Variants in ANXA2 observed in about 807,000 individuals in gnomAD.
ANXA2 encodes the protein annexin A2, also known as annexin II.
In ANXA2, 28 loss-of-function variants were observed where a neutral mutation model predicts 47.3. The observed-to-expected ratio is 0.59, with a 90% CI of 0.44 to 0.81. The LOEUF is 0.81. Ranked by LOEUF, ANXA2 falls within the 40% of genes least tolerant of loss-of-function variation. The probability of loss-of-function intolerance (pLI) is 0.00; values close to 1 mark genes in which losing one functional copy is unlikely to be tolerated. For synonymous variants in ANXA2, 172 were observed against 155.5 expected (o/e 1.11, Z -0.79); for missense variants, 384 against 414.3 (o/e 0.93, Z 0.64).
At chr15:60,381,792 A>T (rs1303389801) in intron 3 of ANXA2, among the ~76,000 whole-genome samples, 1 of 152,114 alleles carries the variant, frequency 6.6e-6, no homozygotes, top group Non-Finnish European at 1.5e-5. Context: ...AATGTAATTA[A>T]ATTAAAGGGG....
rs182125207 is a variant in ANXA2 at position 60,348,985 on chromosome 15, C to T, written c.960+90G>A. The T allele has an allele frequency of 7.9e-5, 117 of 1,487,606 alleles. No individual in the cohort carries two copies. The East Asian group carries it at 1.1e-3, about 13-fold the overall frequency. The allele number at this position is 1,487,606 out of a possible 1,614,324, so 92.2% of individuals were successfully genotyped here. On this transcript the variant is annotated intron_variant, in intron 12 of 12. Coordinates refer to ENST00000451270, the MANE Select transcript of ANXA2 (RefSeq NM_004039.3). Reference sequence around the variant, plus strand: ...CCCAGAGAGTCAGAAAACAGAAAATCGCCACTCTGTCATCATTCTGCCAGG... The same window carrying T: ...CCCAGAGAGTCAGAAAACAGAAAATTGCCACTCTGTCATCATTCTGCCAGG...
Position 60,349,867 on chromosome 15 carries a change from C to CAGGGGAAGGCAGGGAGGG in ANXA2, c.838-671_838-670insCCCTCCCTGCCTTCCCCT, listed in dbSNP as rs1895917327. 3.1e-5 allele frequency among the ~76,000 whole-genome samples: 2 copies of CAGGGGAAGGCAGGGAGGG among 64,938 alleles called. 1 individual carries two copies. Among genetic ancestry groups the CAGGGGAAGGCAGGGAGGG allele is most frequent in the South Asian group, 1.2e-3 (2 of 1,710 alleles). 42.6% of individuals were successfully genotyped at this position (64,938 alleles called of 152,430 possible). On this transcript the variant is annotated intron_variant, in intron 11 of 12. Transcript: ENST00000451270. ...AGGGAGGGAGGTGAAGGCAGGGAGG[C>CAGGGGAAGGCAGGGAGGG]AGGGGAAGGCAAGGAGGCAGGAGAA...
intron 3 of ANXA2, among the ~76,000 whole-genome samples, chr15:60,372,597 T>C (rs1028137535): frequency 3.3e-5 from 5 of 152,182 alleles, no homozygotes; most frequent in Admixed American, 1.3e-4. Context: ...TGTTAACTTG[T>C]AGATTTTGGT....
At chr15:60,382,070 G>A (rs12914642) in intron 3 of ANXA2, among the ~76,000 whole-genome samples, 10 of 129,708 alleles carry the variant, frequency 7.7e-5, no homozygotes, top group East Asian at 5.0e-4. Context: ...GGGAGGGAGG[G>A]AGGAAGGAAG....
Position 60,357,156 on chromosome 15 carries a change from G to A in ANXA2, c.438C>T (p.Val146=). 1 of 1,613,884 alleles carries A rather than the reference G, an allele frequency of 6.2e-7. No homozygotes were observed. Among genetic ancestry groups the A allele is most frequent in the Middle Eastern group, 1.7e-4 (1 of 5,982 alleles). Residue 146 remains valine (V), a synonymous_variant, in exon 6 of 13, where the codon GTC becomes GTT. Transcript: ENST00000451270. The stretch of plus-strand genomic sequence containing the variant: ...AATCAAGCTACTCACTTTCCTTGTA[G>A]ACTCTGTTAATTTCCTGCAGCTCCT... ...TNQELQEINR[V]YKEMYKTDLE... is the part of the protein sequence containing the mutation.
In ANXA2 at chr15:60,361,027, A is replaced by G. The variant is rs377255137; in HGVS notation, c.271T>C (p.Leu91=). ...ATCACCGTCTCCAGGTGGCCAGATAAGGCTGACTTCAGTGCTGATGCAAGT... is the reference window on the plus strand; with the variant it reads ...ATCACCGTCTCCAGGTGGCCAGATAGGGCTGACTTCAGTGCTGATGCAAGT... ...KELASALKSA[L]SGHLETVILG... The change falls in exon 5 of 13, where the codon TTA becomes CTA. Residue 91 remains leucine, a synonymous_variant. Transcript: ENST00000451270. 1.2e-6 allele frequency: 2 copies of G among 1,613,126 alleles called. No individual in the cohort carries two copies. The highest frequency in any genetic ancestry group is 2.7e-5 in the African/African-American group (2 of 74,944).
intron 5 of ANXA2, among the ~76,000 whole-genome samples, chr15:60,360,515 A>C (rs1275645005): frequency 2.0e-5 from 3 of 152,212 alleles, no homozygotes; most frequent in African/African-American, 7.2e-5. Context: ...ATTTGAAACA[A>C]ATGGTACTGA....
At chr15:60,359,537 C>T (rs2062480992) in intron 5 of ANXA2, among the ~76,000 whole-genome samples, 1 of 152,172 alleles carries the variant, frequency 6.6e-6, no homozygotes, top group South Asian at 2.1e-4. Flanking sequence ...GACAAGTCCG[C>T]TAAAATAAAC....
chr15:60,390,560 G>A, intron 1 of ANXA2: 1 of 442,516 alleles, frequency 2.3e-6, no homozygotes, highest in Non-Finnish European at 4.4e-6. Flanking sequence ...AAAGGAGGTT[G>A]TGCTGAGGCT....
chr15:60,388,264 G>A (rs1156670861), intron 1 of ANXA2, among the ~76,000 whole-genome samples: 1 of 152,092 alleles, frequency 6.6e-6, no homozygotes, highest in East Asian at 1.9e-4. Context: ...CCAGCCTCAT[G>A]TGGCTACAAA....
At chr15:60,383,821 A>C (rs2062897581) in intron 2 of ANXA2, 1 of 149,656 alleles carries the variant, frequency 6.7e-6, no homozygotes, top group East Asian at 2.0e-4. Context: ...TTCTCCACCC[A>C]CAGGCATCAC....
At chr15:60,360,225 C>T (rs991511024) in intron 5 of ANXA2, among the ~76,000 whole-genome samples, 4 of 152,200 alleles carry the variant, frequency 2.6e-5, no homozygotes, top group African/African-American at 9.7e-5. Flanking sequence ...CATTGCACTC[C>T]AGCCTGGGCA....
Position 60,356,137 on chromosome 15 carries a change from A to AC in ANXA2, c.449-140dup. 4.7e-6 allele frequency: 3 copies of AC among 636,952 alleles called. No homozygotes were observed. The East Asian group carries it at 8.3e-5, about 18-fold the overall frequency. 39.5% of individuals were successfully genotyped at this position (636,952 alleles called of 1,614,324 possible). A position where few individuals can be genotyped will look rare whatever the true frequency, so the allele number is the denominator to read the frequency against. ...ACATATCCATTCTCCTTAACCCCAA[A>AC]CAGAGGAAGGATTCACTAGAATGAT... On this transcript the variant is annotated intron_variant, in intron 6 of 12. Coordinates refer to ENST00000451270, the MANE Select transcript of ANXA2 (RefSeq NM_004039.3).
At chr15:60,354,324 C>T in intron 7 of ANXA2, 111 bp from the exon 8 acceptor site, 7 of 892,208 alleles carry the variant, frequency 7.8e-6, no homozygotes, top group Non-Finnish European at 1.2e-5. Flanking sequence ...AAATAAGTAA[C>T]CACGTAAGAT....
intron 2 of ANXA2, chr15:60,382,671 C>T (rs1434191944): frequency 5.6e-6 from 2 of 357,454 alleles, no homozygotes; most frequent in Admixed American, 8.1e-5. Context: ...GTCTCAATTT[C>T]AACTTCTCAT....
At chr15:60,376,853 C>T (rs1197122296) in intron 3 of ANXA2, among the ~76,000 whole-genome samples, 1 of 152,234 alleles carries the variant, frequency 6.6e-6, no homozygotes, top group East Asian at 1.9e-4. Context: ...GATTAAGCCT[C>T]CTCCAAGGTG....
intron 3 of ANXA2, chr15:60,374,786 G>A (rs770698894): frequency 2.3e-6 from 1 of 438,984 alleles, no homozygotes; most frequent in East Asian, 7.0e-5. Context: ...CAGCACTGCT[G>A]TAAGATGAGA....
chr15:60,382,086 G>T (rs1337223962), intron 3 of ANXA2, among the ~76,000 whole-genome samples: 2 of 150,342 alleles, frequency 1.3e-5, no homozygotes, highest in African/African-American at 4.9e-5. Flanking sequence ...GGAAGGAAGA[G>T]CAGGAAGAAG....
At position 60,352,277 on chromosome 15, in the gene ANXA2, C is replaced by A. The variant is rs1308177470; in HGVS notation, c.682+106G>T. 4.3e-6 allele frequency: 3 copies of A among 700,994 alleles called. No homozygotes were observed. The highest frequency in any genetic ancestry group is 1.8e-5 in the African/African-American group (1 of 55,654). 43.4% of individuals were successfully genotyped at this position (700,994 alleles called of 1,614,324 possible). On this transcript the variant is annotated intron_variant, in intron 9 of 12. Coordinates refer to ENST00000451270, the MANE Select transcript of ANXA2 (RefSeq NM_004039.3). This position sits in a 1 kb window ranked among gnomAD's most constrained non-coding sequence, Gnocchi z 4.2. ...TGGGTGAGCCTATGAGAGTGCCAAG[C>A]GGAGACAGAACCTCATTCTGGCAGA...
Sources: allele counts gnomAD v4.1 joint callset (sites outside exome capture counted in the v4.1 genomes callset), GRCh38; gene constraint gnomAD v4.1.1; non-coding constraint Gnocchi (gnomAD v3.1); transcripts MANE v1.5; gene names NCBI Gene and HGNC (gene_info 2026-07-23, HGNC 2026-07-21).